Variants in RTL4 observed in about 807,000 individuals in gnomAD.
The protein encoded by RTL4 is retrotransposon Gag-like protein 4.
A neutral mutation model predicts 5.3 loss-of-function variants in RTL4; 4 were observed. The ratio of observed to expected loss-of-function variants is 0.75; its 90% CI spans 0.37 to 1.72. The LOEUF (loss-of-function observed/expected upper bound fraction) is 1.72, where lower values mean the gene tolerates loss of function less well. Among genes scored for constraint, RTL4 ranks in the 40% most tolerant of loss-of-function variants. The pLI is 0.04. For synonymous variants in RTL4, 98 were observed against 87.3 expected, an observed-to-expected ratio of 1.12 and a Z score of -0.68; for missense variants, 260 against 227.1, an observed-to-expected ratio of 1.14 and a Z score of -0.93.
the RTL4 span, among the ~76,000 whole-genome samples, chrX:112,310,884 G>A: frequency 1.1e-5 from 1 of 90,015 alleles, no homozygotes; most frequent in South Asian, 4.7e-4. Flanking sequence ...TAAAATATAT[G>A]TATGTATTAT....
At chrX:112,403,557 A>G in the RTL4 span, among the ~76,000 whole-genome samples, 68 of 111,679 alleles carry the variant, frequency 6.1e-4, no homozygotes, top group African/African-American at 2.1e-3. Flanking sequence ...AGAGGGCTGA[A>G]CTATACAATC....
At chrX:112,236,383 C>A in the RTL4 span, among the ~76,000 whole-genome samples, 1 of 89,967 alleles carries the variant, frequency 1.1e-5, no homozygotes, top group African/African-American at 4.1e-5. Flanking sequence ...CTGCTCCTAA[C>A]TTTCATATAT....
the RTL4 span, among the ~76,000 whole-genome samples, chrX:112,251,300 A>G: frequency 1.4e-4 from 16 of 112,202 alleles, no homozygotes; most frequent in African/African-American, 5.2e-4. Flanking sequence ...GCAAACATCA[A>G]ACTCTTTCTG....
At chrX:112,203,591 C>T in the RTL4 span, among the ~76,000 whole-genome samples, 1 of 110,853 alleles carries the variant, frequency 9.0e-6, no homozygotes, top group Non-Finnish European at 1.9e-5. Context: ...CTTCTCTGTT[C>T]TGTTCCATTG....
the RTL4 span, among the ~76,000 whole-genome samples, chrX:112,155,928 C>G: frequency 9.9e-5 from 11 of 111,514 alleles, no homozygotes; most frequent in African/African-American, 3.6e-4. Flanking sequence ...CTTTAGACTT[C>G]AAGGAAATGT....
At chrX:112,310,004 G>A in the RTL4 span, among the ~76,000 whole-genome samples, 1 of 104,426 alleles carries the variant, frequency 9.6e-6, no homozygotes, top group Non-Finnish European at 2.0e-5. Flanking sequence ...GCACAGACCC[G>A]AGATCGTGCC....
the RTL4 span, among the ~76,000 whole-genome samples, chrX:112,391,664 C>G: frequency 2.8e-5 from 3 of 108,190 alleles, no homozygotes; most frequent in Admixed American, 1.0e-4. Context: ...TAGACTCTTG[C>G]TTGATTGTGT....
the RTL4 span, among the ~76,000 whole-genome samples, chrX:112,255,272 A>C: frequency 8.9e-6 from 1 of 112,241 alleles, no homozygotes; most frequent in Non-Finnish European, 1.9e-5. Flanking sequence ...GGGCTTTGTA[A>C]GCTAAGCTAA....
At chrX:112,457,256 G>A (rs958301989), downstream of RTL4, 1 of 118,385 alleles carries the variant, frequency 8.4e-6, no homozygotes, top group Non-Finnish European at 1.9e-5. Context: ...TGCCTTGCTA[G>A]CCACTGTAAC....
At chrX:112,415,048 T>C in the RTL4 span, among the ~76,000 whole-genome samples, 3,809 of 111,379 alleles carry the variant, frequency 0.034, 123 homozygotes, top group African/African-American at 0.1. Flanking sequence ...AATTGCTAGG[T>C]CAAATGGTAC....
the RTL4 span, among the ~76,000 whole-genome samples, chrX:112,116,435 G>A: frequency 2.7e-5 from 3 of 111,051 alleles, no homozygotes; most frequent in Non-Finnish European, 5.7e-5. Context: ...AGCTTCCACA[G>A]CGTGGAAGGG....
At chrX:112,131,362 C>A in the RTL4 span, among the ~76,000 whole-genome samples, 3 of 110,795 alleles carry the variant, frequency 2.7e-5, no homozygotes, top group Admixed American at 1.9e-4. Context: ...TTTGGCTTTT[C>A]ATTTAAGTAA....
At chrX:112,097,129 C>G in the RTL4 span, among the ~76,000 whole-genome samples, 6 of 111,720 alleles carry the variant, frequency 5.4e-5, no homozygotes, top group East Asian at 1.7e-3. Flanking sequence ...TTTATTCATT[C>G]ACATATCCAT....
the RTL4 span, among the ~76,000 whole-genome samples, chrX:112,337,743 C>T: frequency 1.3e-4 from 14 of 111,371 alleles, no homozygotes; most frequent in Admixed American, 1.3e-3. Context: ...TCTCTGGCTT[C>T]TAGGTACCCT....
At chrX:112,401,981 G>T in the RTL4 span, among the ~76,000 whole-genome samples, 1 of 111,480 alleles carries the variant, frequency 9.0e-6, no homozygotes, top group South Asian at 3.8e-4. Context: ...ATTCTGGACC[G>T]GTTTTTCCCT....
chrX:112,241,283 G>A, the RTL4 span, among the ~76,000 whole-genome samples: 1 of 111,420 alleles, frequency 9.0e-6, no homozygotes, highest in African/African-American at 3.3e-5. Flanking sequence ...CTCCCACAAT[G>A]TTTGAACTAG....
chrX:112,142,422 A>G, the RTL4 span, among the ~76,000 whole-genome samples: 1 of 112,344 alleles, frequency 8.9e-6, no homozygotes, highest in Non-Finnish European at 1.9e-5. Flanking sequence ...TGATGGTGGA[A>G]GGATTTAATG....
the RTL4 span, among the ~76,000 whole-genome samples, chrX:112,255,329 G>T: frequency 3.6e-5 from 4 of 111,936 alleles, no homozygotes; most frequent in Non-Finnish European, 3.8e-5. Flanking sequence ...GTTTTAGAAA[G>T]AACATTCTGG....
chrX:112,311,281 A>T, the RTL4 span, among the ~76,000 whole-genome samples: 1 of 110,438 alleles, frequency 9.1e-6, no homozygotes, highest in Non-Finnish European at 1.9e-5. Context: ...CTCTTTTCCA[A>T]TTTCACAGTT....
Sources: gnomAD v4.1 joint callset for allele counts (sites outside exome capture counted in the v4.1 genomes callset) on GRCh38, gnomAD v4.1.1 for gene constraint, MANE v1.5 for transcripts, NCBI Gene and HGNC (gene_info 2026-07-23, HGNC 2026-07-21) for gene names.